BAZ1B: variants seen among roughly 807,000 people sequenced by gnomAD.
The protein encoded by BAZ1B is tyrosine-protein kinase BAZ1B.
A neutral mutation model predicts 153.8 loss-of-function variants in BAZ1B; 22 were observed. The observed-to-expected ratio is 0.14, with a 90% CI of 0.10 to 0.20. BAZ1B has a LOEUF of 0.20. Among genes scored for constraint, BAZ1B ranks in the 10% least tolerant of loss-of-function variants. The probability of loss-of-function intolerance (pLI) is 1.00; values close to 1 mark genes in which losing one functional copy is unlikely to be tolerated. For missense variants in BAZ1B, 1,325 were observed against 1,799.3 expected, an observed-to-expected ratio of 0.74 and a Z score of 4.77; for synonymous variants, 676 against 633.4, an observed-to-expected ratio of 1.07 and a Z score of -1.01.
rs782711905 is a variant in BAZ1B, at chr7:73,462,910, T to C, written c.3249+12A>G. 2.5e-5 allele frequency: 41 copies of C among 1,613,608 alleles called. No individual in the cohort carries two copies. The highest frequency in any genetic ancestry group is 3.4e-5 in the Non-Finnish European group (40 of 1,179,670). On this transcript the variant is annotated intron_variant, in intron 12 of 19. Coordinates refer to ENST00000339594, the MANE Select transcript of BAZ1B (RefSeq NM_032408.4). ...CATGAGTAATCTAAGGGGGATTTTC[T>C]TATATTCCTACCCGGGCTTCAAATT...
chr7:73,447,528 G>T, intron 15 of BAZ1B, 149 bp from the exon 16 acceptor site: 1 of 1,052,818 alleles, frequency 9.5e-7, no homozygotes, highest in Non-Finnish European at 1.3e-6. Context: ...CTGAATGTAA[G>T]CCAGGAGAGT....
intron 4 of BAZ1B, among the ~76,000 whole-genome samples, chr7:73,495,245 T>G (rs571887223): frequency 6.6e-6 from 1 of 152,326 alleles, no homozygotes; most frequent in East Asian, 1.9e-4. Context: ...ATCGTGCCAC[T>G]GCGCTCCAGC....
intron 7 of BAZ1B, among the ~76,000 whole-genome samples, chr7:73,475,415 A>G (rs1186606431): frequency 1.3e-5 from 2 of 152,232 alleles, no homozygotes; most frequent in South Asian, 2.1e-4. Flanking sequence ...GTACTAACAC[A>G]TGCTACAACA....
Position 73,462,983 on chromosome 7 carries a change from G to C in BAZ1B, c.3188C>G (p.Ala1063Gly), listed in dbSNP as rs1788447194. The stretch of plus-strand genomic sequence containing the variant: ...AAGTCCTCCTTTTTGTAACCTTGTT[G>C]CAACTTCAATGAGATCACTACGAAG... ...NFLRSDLIEV[A>G]TRLQKGGLGY... The change falls in exon 12 of 20, where the codon GCA becomes GGA. Residue 1063 changes from alanine to glycine, a missense_variant. This residue lies in a region of BAZ1B where 431 missense variants were observed against 563.5 expected (regional missense o/e 0.76). Coordinates refer to ENST00000339594, the MANE Select transcript of BAZ1B (RefSeq NM_032408.4). 4.3e-6 allele frequency: 7 copies of C among 1,613,994 alleles called. No individual in the cohort carries two copies. The highest frequency in any genetic ancestry group is 5.9e-6 in the Non-Finnish European group (7 of 1,179,962).
In BAZ1B at chr7:73,516,040, G is replaced by C. The variant is rs368830913; in HGVS notation, c.108-5188C>G. Reference sequence around the variant, plus strand: ...CACGTGCCTGTAGTCCCAGCTACTCGGGAGGCTGAGGCAGGAGAATCACTT... The same window carrying C: ...CACGTGCCTGTAGTCCCAGCTACTCCGGAGGCTGAGGCAGGAGAATCACTT... On this transcript the variant is annotated intron_variant, in intron 1 of 19. Transcript: ENST00000339594. 1.1e-4 allele frequency among the ~76,000 whole-genome samples: 16 copies of C among 152,258 alleles called. No homozygotes were observed. In the South Asian group the frequency reaches 3.1e-3, roughly 30 times the overall value.
At chr7:73,498,236 A>T (rs1789993618) in intron 4 of BAZ1B, among the ~76,000 whole-genome samples, 1 of 152,184 alleles carries the variant, frequency 6.6e-6, no homozygotes, top group Admixed American at 6.5e-5. Flanking sequence ...CTGGGATTAC[A>T]GGCATGAGCC....
In BAZ1B at chr7:73,445,182, G is replaced by C. The variant is rs142382911; in HGVS notation, c.3845-1053C>G. Among the ~76,000 whole-genome samples the C allele has an allele frequency of 3.3e-5, 5 of 152,264 alleles. No homozygotes were observed. In the East Asian group the frequency reaches 9.6e-4, roughly 29 times the overall value. On this transcript the variant is annotated intron_variant, in intron 16 of 19. Transcript: ENST00000339594. ...CAGGCTCTCCACCACCTTCCCTTGG[G>C]GAGTGGGGAGATGACACTGGACACA... is the stretch of plus-strand genomic sequence containing the variant.
rs1030906686 is a variant in BAZ1B at position 73,473,230 on chromosome 7, G to A, written c.2594-2747C>T. On this transcript the variant is annotated intron_variant, in intron 7 of 19. Transcript: ENST00000339594. The stretch of plus-strand genomic sequence containing the variant: ...GTAGGATTACAGGCTGTGAGCCACC[G>A]AGCCTGGCCTGTTCATATGTCTTTA... Among the ~76,000 whole-genome samples the A allele has an allele frequency of 5.3e-5, 8 of 152,300 alleles. No individual in the cohort carries two copies. The South Asian group carries it at 6.2e-4, about 12-fold the overall frequency.
chr7:73,519,810 G>T (rs1554579839), intron 1 of BAZ1B, among the ~76,000 whole-genome samples: 1 of 152,160 alleles, frequency 6.6e-6, no homozygotes, highest in Non-Finnish European at 1.5e-5. Context: ...TCATCTGAAA[G>T]TGTGTGAGCA....
Position 73,470,453 on chromosome 7 carries a change from C to A in BAZ1B, c.2624G>T (p.Arg875Leu). ...AGCAGCTGCTTTGTGCTTCCGTATT[C>A]GTTCTTCTTCAGCTTGGCGTTCCAG... ...VKLERQAEEE[R>L]IRKHKAAAEK... The change falls in exon 8 of 20, where the codon CGA (arginine) becomes CTA (leucine). Residue 875 changes from arginine to leucine, a missense_variant. Transcript: ENST00000339594. 1 of 1,613,810 alleles carries A rather than the reference C, an allele frequency of 6.2e-7. No homozygotes were observed. Among genetic ancestry groups the A allele is most frequent in the Non-Finnish European group, 8.5e-7 (1 of 1,179,952 alleles).
intron 5 of BAZ1B, among the ~76,000 whole-genome samples, chr7:73,489,729 G>A (rs1789561135): frequency 1.3e-5 from 2 of 152,192 alleles, no homozygotes; most frequent in Non-Finnish European, 2.9e-5. Context: ...GGAGTTCGAA[G>A]CTATAGTGAG....
intron 7 of BAZ1B, among the ~76,000 whole-genome samples, chr7:73,472,188 C>T (rs561633797): frequency 2.0e-5 from 3 of 152,140 alleles, no homozygotes; most frequent in Non-Finnish European, 2.9e-5. Context: ...GAAATTATTA[C>T]GTTTCAGATA....
rs782791487 is a variant in BAZ1B at position 73,444,059 on chromosome 7, C to G, written c.3915G>C (p.Pro1305=). The change falls in exon 17 of 20, where the codon CCG becomes CCC. Residue 1305 remains proline, a synonymous_variant. Transcript: ENST00000339594. ...TCCTGGTAGAGTGTGGCTTCTTACC[C>G]GGGCGCCGGCCTGACCTTGCTGCAG... ...IPPAARSGRR[P]GKKPHSTRRS... The G allele has an allele frequency of 2.5e-6, 4 of 1,613,680 alleles. 1 individual carries two copies. The South Asian group carries it at 3.3e-5, about 13-fold the overall frequency.
rs954069331 is a variant in BAZ1B, at chr7:73,450,136, C to G, written c.3581-447G>C. 6.6e-5 allele frequency among the ~76,000 whole-genome samples: 10 copies of G among 152,164 alleles called. No individual in the cohort carries two copies. Among genetic ancestry groups the G allele is most frequent in the Middle Eastern group, 3.4e-3 (1 of 294 alleles). ...GATCTCGGCTCACTGCAACCTCCGC[C>G]TCCCGGGTTCAAGTGATTCTCCTGC... On this transcript the variant is annotated intron_variant, in intron 14 of 19. Coordinates refer to ENST00000339594, the MANE Select transcript of BAZ1B (RefSeq NM_032408.4). This position sits in a 1 kb window ranked among gnomAD's most constrained non-coding sequence, Gnocchi z 4.1.
intron 19 of BAZ1B, 45 bp downstream of exon 19, chr7:73,442,136 T>TAGCCAACC: frequency 1.7e-6 from 1 of 573,492 alleles, no homozygotes. Context: ...CTCGCTCGCC[T>TAGCCAACC]CCCTCCCACC....
In BAZ1B at chr7:73,460,176, G is replaced by GA; in HGVS notation, c.3250-459dup. 2.9e-5 allele frequency among the ~76,000 whole-genome samples: 4 copies of GA among 139,242 alleles called. 1 individual carries two copies. In the South Asian group the frequency reaches 9.2e-4, roughly 32 times the overall value. The allele number at this position is 139,242 out of a possible 152,430, so 91.3% of individuals were successfully genotyped here. A position where few individuals can be genotyped will look rare whatever the true frequency, so the allele number is the denominator to read the frequency against. ...TGTACTCCAGTCTGGGTGACACAGC[G>GA]AGACTCCGTCTCAGGGAAAAAAAAA... On this transcript the variant is annotated intron_variant, in intron 12 of 19. Transcript: ENST00000339594.
At chr7:73,464,606 T>A (rs552345000) in intron 11 of BAZ1B, among the ~76,000 whole-genome samples, 1 of 152,336 alleles carries the variant, frequency 6.6e-6, no homozygotes, top group African/African-American at 2.4e-5. Context: ...CTTTGATGTC[T>A]GACTTCTTTT....
Position 73,489,189 on chromosome 7 carries a change from C to A in BAZ1B, c.891+5G>T. ...CTGCTGTCCAAAAATTAACAGTGAC[C>A]TTACCTTGTATGGATCAAGTAAAAA... is the stretch of plus-strand genomic sequence containing the variant. On this transcript the variant is annotated splice_donor_5th_base_variant and intron_variant, in intron 6 of 19. Transcript: ENST00000339594. 1 of 1,613,770 alleles carries A rather than the reference C, an allele frequency of 6.2e-7. No homozygotes were observed. Among genetic ancestry groups the A allele is most frequent in the Non-Finnish European group, 8.5e-7 (1 of 1,179,714 alleles).
chr7:73,494,117 C>T (rs566705007), intron 4 of BAZ1B, among the ~76,000 whole-genome samples: 3 of 152,180 alleles, frequency 2.0e-5, no homozygotes, highest in Non-Finnish European at 4.4e-5. Context: ...CACAGTGGCT[C>T]GTGCCTGTAA....
Sources: allele counts gnomAD v4.1 joint callset (sites outside exome capture counted in the v4.1 genomes callset), GRCh38; gene constraint gnomAD v4.1.1; regional missense constraint gnomAD v4.1.1; non-coding constraint Gnocchi (gnomAD v3.1); transcripts MANE v1.5; gene names NCBI Gene and HGNC (gene_info 2026-07-23, HGNC 2026-07-21).